The following SNAP23 variants were observed in gnomAD, a reference collection of about 807,000 sequenced individuals.
The protein encoded by SNAP23 is synaptosome associated protein 23.
Under a neutral mutation model 29.0 loss-of-function variants are expected in SNAP23, and 11 were observed. The ratio of observed to expected loss-of-function variants is 0.38; its 90% CI spans 0.24 to 0.63. The LOEUF is 0.63. Ranked by LOEUF, SNAP23 falls within the 20% of genes least tolerant of loss-of-function variation. The pLI, the probability that SNAP23 is intolerant of heterozygous loss-of-function variation, is 0.58. For synonymous variants in SNAP23, 60 were observed against 82.9 expected, an observed-to-expected ratio of 0.72 and a Z score of 1.50; for missense variants, 220 against 253.9, an observed-to-expected ratio of 0.87 and a Z score of 0.91.
Position 42,528,357 on chromosome 15 carries a change from C to G in SNAP23, c.362C>G (p.Pro121Arg), listed in dbSNP as rs745507637. The G allele has an allele frequency of 1.9e-6, 3 of 1,614,046 alleles. No individual in the cohort carries two copies. The highest frequency in any genetic ancestry group is 3.3e-5 in the Admixed American group (2 of 59,992). The change falls in exon 6 of 8, where the codon CCG becomes CGG. Residue 121 changes from proline (P) to arginine (R), a missense_variant. Physicochemically the swap from Pro to Arg is moderately radical, Grantham distance 103. Coordinates refer to ENST00000249647, the MANE Select transcript of SNAP23 (RefSeq NM_003825.4). ...PCNVVSKQPG[P>R]VTNGQLQQPT... ...AATGTAGTATCTAAACAGCCAGGCC[C>G]GGTGACAAATGGTCAGCTTCAGCAA...
chr15:42,504,361 A>G (rs2057300707), intron 1 of SNAP23, among the ~76,000 whole-genome samples: 1 of 152,062 alleles, frequency 6.6e-6, no homozygotes, highest in South Asian at 2.1e-4. Context: ...AAGTAAAATA[A>G]AATAAAATAA....
chr15:42,512,861 T>G, intron 2 of SNAP23, 94 bp from the exon 3 acceptor site: 1 of 958,986 alleles, frequency 1.0e-6, no homozygotes, highest in East Asian at 2.5e-5. Context: ...GAGCTGGCAA[T>G]TTTTAAAGAT....
intron 1 of SNAP23, among the ~76,000 whole-genome samples, chr15:42,504,408 A>T (rs1327413112): frequency 2.0e-5 from 3 of 152,184 alleles, no homozygotes; most frequent in African/African-American, 7.2e-5. Context: ...AGTTGTATAT[A>T]GCCTATACTT....
Position 42,518,982 on chromosome 15 carries a change from C to T in SNAP23, c.266+3628C>T, listed in dbSNP as rs1385935679. On this transcript the variant is annotated intron_variant, in intron 5 of 7. Transcript: ENST00000249647. ...GGTTCAAGTGATCCCCCCACCTCAG[C>T]CTCATGAGTAGCTGGGACTACAGGT... 2.0e-5 allele frequency among the ~76,000 whole-genome samples: 3 copies of T among 152,078 alleles called. No homozygotes were observed. The East Asian group carries it at 5.8e-4, about 29-fold the overall frequency.
chr15:42,521,914 A>G, intron 5 of SNAP23: 1 of 369,306 alleles, frequency 2.7e-6, no homozygotes, highest in South Asian at 1.1e-4. Context: ...TTGCTAAATA[A>G]CATTTAAGAT....
chr15:42,504,869 A>G (rs546737233), intron 1 of SNAP23, among the ~76,000 whole-genome samples: 1 of 152,208 alleles, frequency 6.6e-6, no homozygotes, highest in Non-Finnish European at 1.5e-5. Context: ...ATTGGTTACC[A>G]TGGACGTAGA....
intron 1 of SNAP23, chr15:42,505,122 A>G (rs1257808748): frequency 6.6e-6 from 1 of 151,016 alleles, no homozygotes; most frequent in Non-Finnish European, 1.5e-5. Context: ...TTTTTTTCAG[A>G]CAGTCTTGCT....
At chr15:42,508,532 G>GA (rs2057333517) in intron 1 of SNAP23, among the ~76,000 whole-genome samples, 3 of 152,256 alleles carry the variant, frequency 2.0e-5, no homozygotes, top group East Asian at 3.9e-4. Context: ...CTTGCGTGTT[G>GA]TCTGGTCAGG....
At chr15:42,522,814 A>T (rs2057460497) in intron 5 of SNAP23, among the ~76,000 whole-genome samples, 1 of 138,644 alleles carries the variant, frequency 7.2e-6, no homozygotes, top group Admixed American at 7.3e-5. Context: ...TGACTAAGGG[A>T]TATTTCAGAT....
chr15:42,505,104 T>C, intron 1 of SNAP23: 1 of 150,432 alleles, frequency 6.6e-6, no homozygotes, highest in African/African-American at 2.5e-5. Context: ...GGTGATTTTT[T>C]TTTTCTTTTT....
At chr15:42,497,819 A>C (rs188312114) in intron 1 of SNAP23, among the ~76,000 whole-genome samples, 29 of 152,352 alleles carry the variant, frequency 1.9e-4, no homozygotes, top group Admixed American at 1.5e-3. Flanking sequence ...AAAGCAAGTT[A>C]GTTACTTCTA....
intron 5 of SNAP23, among the ~76,000 whole-genome samples, chr15:42,525,835 TA>T (rs1246201834): frequency 1.3e-5 from 2 of 152,148 alleles, no homozygotes; most frequent in Non-Finnish European, 1.5e-5. Context: ...ATGTTTCAAT[TA>T]AAAATCATTC....
At chr15:42,522,842 C>CG (rs34393816) in intron 5 of SNAP23, among the ~76,000 whole-genome samples, 3 of 91,054 alleles carry the variant, frequency 3.3e-5, no homozygotes, top group African/African-American at 1.4e-4. Flanking sequence ...TAAAACTTGC[C>CG]TTTTTTTTTT....
intron 1 of SNAP23, among the ~76,000 whole-genome samples, chr15:42,510,466 A>G (rs540880653): frequency 1.3e-5 from 2 of 152,280 alleles, no homozygotes; most frequent in African/African-American, 4.8e-5. Context: ...ATATGTGATC[A>G]TATCATACAC....
At chr15:42,496,524 C>G (rs1369503491) in intron 1 of SNAP23, among the ~76,000 whole-genome samples, 1 of 152,188 alleles carries the variant, frequency 6.6e-6, no homozygotes, top group South Asian at 2.1e-4. Context: ...CGAGACCAGC[C>G]TGGCCAACAT....
chr15:42,516,745 A>T (rs1185462017), intron 5 of SNAP23, among the ~76,000 whole-genome samples: 1 of 152,264 alleles, frequency 6.6e-6, no homozygotes. Flanking sequence ...TTTTTATGAA[A>T]CAACATTTTT....
intron 5 of SNAP23, among the ~76,000 whole-genome samples, chr15:42,524,513 T>C (rs1049739958): frequency 6.6e-5 from 10 of 152,296 alleles, no homozygotes; most frequent in African/African-American, 2.4e-4. Flanking sequence ...GCAAGAACCC[T>C]ATTGTGAACT....
At chr15:42,515,166 C>T in intron 4 of SNAP23, 71 bp from the exon 5 acceptor site, 1 of 903,158 alleles carries the variant, frequency 1.1e-6, no homozygotes. Context: ...TTTGCTGTTC[C>T]ATAATAATAG....
intron 5 of SNAP23, among the ~76,000 whole-genome samples, chr15:42,523,037 G>A (rs900168710): frequency 1.3e-5 from 2 of 151,716 alleles, no homozygotes; most frequent in African/African-American, 4.8e-5. Context: ...GTACAGAATA[G>A]GTTTCACCAT....
Sources: allele counts gnomAD v4.1 joint callset (sites outside exome capture counted in the v4.1 genomes callset), GRCh38; gene constraint gnomAD v4.1.1; transcripts MANE v1.5; gene names NCBI Gene and HGNC (gene_info 2026-07-23, HGNC 2026-07-21).